MKI67: variants seen among roughly 807,000 people sequenced by gnomAD.
MKI67 encodes the protein proliferation marker protein Ki-67.
Under a neutral mutation model 233.5 loss-of-function variants are expected in MKI67, and 152 were observed. The ratio of observed to expected loss-of-function variants is 0.65; its 90% CI spans 0.57 to 0.74. The LOEUF (loss-of-function observed/expected upper bound fraction) is 0.74, where lower values mean the gene tolerates loss of function less well. Ranked by LOEUF, MKI67 falls within the 30% of genes least tolerant of loss-of-function variation. MKI67 has a pLI of 0.00. For synonymous variants in MKI67, 1,465 were observed against 1,418.5 expected (o/e 1.03, Z -0.74); for missense variants, 3,940 against 3,885.2 (o/e 1.01, Z -0.37).
At chr10:128,122,390 A>C (rs1369819360) in intron 4 of MKI67, among the ~76,000 whole-genome samples, 1 of 152,182 alleles carries the variant, frequency 6.6e-6, no homozygotes, top group Non-Finnish European at 1.5e-5. Flanking sequence ...TTGCCTTTTT[A>C]AATGCCCTCT....
chr10:128,108,661 C>T lies in MKI67; in HGVS notation c.3179G>A (p.Gly1060Glu), dbSNP rs1227668323. The change falls in exon 13 of 15, where the codon GGA becomes GAA. Residue 1060 changes from glycine to glutamate, a missense_variant. Transcript: ENST00000368654. ...AAACGTTCTGATGCTCTTGCCATCTCCTGCTGGCTCTCTGTGCGTGTGCGT... is the reference window on the plus strand; with the variant it reads ...AAACGTTCTGATGCTCTTGCCATCTTCTGCTGGCTCTCTGTGCGTGTGCGT... Reference protein sequence around the residue: ...ETTHTHREPAGDGKSIRTFKE... With the variant: ...ETTHTHREPAEDGKSIRTFKE... The T allele has an allele frequency of 3.1e-6, 5 of 1,614,060 alleles. No homozygotes were observed. In the Admixed American group the frequency reaches 6.7e-5, roughly 22 times the overall value.
Position 128,115,408 on chromosome 10 carries a change from C to T in MKI67, c.1000G>A (p.Gly334Ser), listed in dbSNP as rs769187625. ...ESVQTPSKAV[G>S]ASFPLYEPAK... ...GGCTCATAGAGAGGAAAGCTGGCGC[C>T]CACAGCCTTGCTGGGAGTCTGAACA... is the stretch of plus-strand genomic sequence containing the variant. The change falls in exon 7 of 15, where the codon GGC becomes AGC. Residue 334 changes from glycine (G) to serine (S), a missense_variant. Gly to Ser is a moderately conservative substitution (Grantham distance 56). Transcript: ENST00000368654. 9.3e-6 allele frequency: 15 copies of T among 1,614,158 alleles called. No homozygotes were observed. The highest frequency in any genetic ancestry group is 8.8e-5 in the South Asian group (8 of 91,076).
Position 128,112,050 on chromosome 10 carries a change from C to A in MKI67, c.1970-5G>T, listed in dbSNP as rs1852690785. Reference sequence around the variant, plus strand: ...CATCTGCCCATGATTTTGCAACTGTCAAAGGGAAAAGACGAAACTTTTCAA... The same window carrying A: ...CATCTGCCCATGATTTTGCAACTGTAAAAGGGAAAAGACGAAACTTTTCAA... On this transcript the variant is annotated splice_region_variant and splice_polypyrimidine_tract_variant and intron_variant, in intron 9 of 14. Transcript: ENST00000368654. 2 of 1,609,240 alleles carry A rather than the reference C, an allele frequency of 1.2e-6. No homozygotes were observed. Among genetic ancestry groups the A allele is most frequent in the East Asian group, 4.5e-5 (2 of 44,866 alleles).
chr10:128,103,216 G>T lies in MKI67; in HGVS notation c.8624C>A (p.Pro2875Gln), dbSNP rs369383878. The change falls in exon 13 of 15, where the codon CCG (proline) becomes CAG (glutamine). Residue 2875 changes from proline (P) to glutamine (Q), a missense_variant. Transcript: ENST00000368654. ...SGETTHTDKE[P>Q]VGEGKGTKAF... ...TTTCGTGCCTTTGCCCTCACCTACC[G>T]GCTCTTTGTCGGTGTGCGTGGTCTC... The T allele has an allele frequency of 6.2e-7, 1 of 1,613,958 alleles. No homozygotes were observed.
intron 2 of MKI67, among the ~76,000 whole-genome samples, chr10:128,124,928 G>T (rs1278938467): frequency 1.0e-5 from 1 of 99,338 alleles, no homozygotes; most frequent in Non-Finnish European, 2.3e-5. Flanking sequence ...GGCCGGGATG[G>T]GGTTGGGAGG....
In MKI67 at chr10:128,104,739, T is replaced by C. The variant is rs144403600; in HGVS notation, c.7101A>G (p.Ala2367=). 4.3e-6 allele frequency: 7 copies of C among 1,613,968 alleles called. No homozygotes were observed. In the East Asian group the frequency reaches 1.6e-4, roughly 36 times the overall value. ...GTGCTAAAAATTCTTCCTCTACGTC[T>C]GCTTTCCTGAGGTTTCTCTTGGGCC... ...KQRPKRNLRK[A]DVEEEFLALR... Residue 2367 remains alanine (A), a synonymous_variant, in exon 13 of 15, where the codon GCA becomes GCG. Coordinates refer to ENST00000368654, the MANE Select transcript of MKI67 (RefSeq NM_002417.5).
In MKI67 at chr10:128,107,406, T is replaced by A. The variant is rs1395517790; in HGVS notation, c.4434A>T (p.Val1478=). Residue 1478 remains valine (V), a synonymous_variant, in exon 13 of 15, where the codon GTA becomes GTT. Transcript: ENST00000368654. ...AGLKELFQTP[V]CTDKPTTHEK... ...CGTGAGTCGTGGGCTTGTCAGTGCA[T>A]ACTGGTGTCTGGAAGAGCTCTTTCA... 6.2e-7 allele frequency: 1 copy of A among 1,612,476 alleles called. No homozygotes were observed. Among genetic ancestry groups the A allele is most frequent in the Admixed American group, 1.7e-5 (1 of 59,898 alleles).
Position 128,102,614 on chromosome 10 carries a change from CCT to C in MKI67, c.9224_9225del (p.Glu3075GlyfsTer10). On this transcript the variant is annotated frameshift_variant, in exon 13 of 15. Coordinates refer to ENST00000368654, the MANE Select transcript of MKI67 (RefSeq NM_002417.5). LOFTEE classifies it high-confidence loss of function. Reference sequence around the variant, plus strand: ...GGGACCGAGTCTTGTAATTTGTGTTCCTCTTTGTTGGTTTTCATGTCGTTGCT... The same window carrying C: ...GGGACCGAGTCTTGTAATTTGTGTTCCTTTGTTGGTTTTCATGTCGTTGCT... ...LNSNDMKTNK[E>X]EHKLQDSVPE... 2 of 1,614,106 alleles carry C rather than the reference CCT, an allele frequency of 1.2e-6. No homozygotes were observed. Among genetic ancestry groups the C allele is most frequent in the Non-Finnish European group, 1.7e-6 (2 of 1,179,964 alleles).
Position 128,107,643 on chromosome 10 carries a change from G to A in MKI67, c.4197C>T (p.Asp1399=), listed in dbSNP as rs375899356. The A allele has an allele frequency of 4.3e-5, 70 of 1,613,974 alleles. No homozygotes were observed. In the African/African-American group the frequency reaches 5.5e-4, roughly 13 times the overall value. ...TCAGGGCTGAGAGCTCCTTCTGTAC[G>A]TCCCTTTTCTCCAAAGGTGTCTTGG... is the stretch of plus-strand genomic sequence containing the variant. ...RQPKTPLEKR[D]VQKELSALKK... is the part of the protein sequence containing the mutation. The change falls in exon 13 of 15, where the codon GAC becomes GAT. Residue 1399 remains aspartate, a synonymous_variant. Transcript: ENST00000368654.
Position 128,111,789 on chromosome 10 carries a change from A to G in MKI67, c.2116T>C (p.Phe706Leu), listed in dbSNP as rs1182250834. Residue 706 changes from phenylalanine to leucine, a missense_variant, in exon 11 of 15, where the codon TTT becomes CTT. Phe to Leu is a conservative substitution (Grantham distance 22). Coordinates refer to ENST00000368654, the MANE Select transcript of MKI67 (RefSeq NM_002417.5). The part of the protein sequence containing the change: ...KKPVGEVHSQ[F>L]STGHANSPCT... ...GGAGAGTTTGCGTGGCCTGTACTAAATTGACTGTGAACTTCGCCCACAGGC... is the reference window on the plus strand; with the variant it reads ...GGAGAGTTTGCGTGGCCTGTACTAAGTTGACTGTGAACTTCGCCCACAGGC... 5 of 1,613,094 alleles carry G rather than the reference A, an allele frequency of 3.1e-6. No homozygotes were observed. Among genetic ancestry groups the G allele is most frequent in the Non-Finnish European group, 4.2e-6 (5 of 1,179,842 alleles).
Position 128,104,262 on chromosome 10 carries a change from C to T in MKI67, c.7578G>A (p.Lys2526=), listed in dbSNP as rs200620336. 324 of 1,613,996 alleles carry T rather than the reference C, an allele frequency of 2.0e-4. No individual in the cohort carries two copies. Among genetic ancestry groups the T allele is most frequent in the Non-Finnish European group, 2.6e-4 (306 of 1,180,046 alleles). The stretch of plus-strand genomic sequence containing the variant: ...GGTCCAGGATCTGCTTTGGAGACTC[C>T]TTAAACGCTTTGATGCTCTTACTAT... The part of the protein sequence containing the change: ...TGDSKSIKAF[K]ESPKQILDPA... Residue 2526 remains lysine, a synonymous_variant, in exon 13 of 15, where the codon AAG becomes AAA. Coordinates refer to ENST00000368654, the MANE Select transcript of MKI67 (RefSeq NM_002417.5).
Position 128,102,734 on chromosome 10 carries a change from T to C in MKI67, c.9106A>G (p.Arg3036Gly), listed in dbSNP as rs750816735. The C allele has an allele frequency of 1.2e-5, 20 of 1,614,244 alleles. No individual in the cohort carries two copies. Among genetic ancestry groups the C allele is most frequent in the Middle Eastern group, 1.6e-4 (1 of 6,062 alleles). Residue 3036 changes from arginine to glycine, a missense_variant, in exon 13 of 15, where the codon AGG becomes GGG. By Grantham distance (125) the Arg-to-Gly change is moderately radical. Coordinates refer to ENST00000368654, the MANE Select transcript of MKI67 (RefSeq NM_002417.5). ...GGTTCGGATGATTTGCCTCTTGCCC[T>C]GGGAGCAACCCTCTGCTTCTTGCTG... ...PASKKQRVAP[R>G]ARGKSSEPVV...
At chr10:128,116,055 A>C in intron 6 of MKI67, 48 bp from the exon 7 acceptor site, 2 of 1,512,940 alleles carry the variant, frequency 1.3e-6, no homozygotes, top group Non-Finnish European at 1.8e-6. Flanking sequence ...GCATTTTCTC[A>C]ATGATTAACA....
Position 128,125,610 on chromosome 10 carries a change from A to G in MKI67, c.58T>C (p.Phe20Leu). 3 of 1,613,560 alleles carry G rather than the reference A, an allele frequency of 1.9e-6. No individual in the cohort carries two copies. The highest frequency in any genetic ancestry group is 2.5e-6 in the Non-Finnish European group (3 of 1,179,826). Reference sequence around the variant, plus strand: ...AAGCAGGTGCTGAGGCTCAGGGGAAAGTGGGGACCGTCGACCCCGCTCCTT... The same window carrying G: ...AAGCAGGTGCTGAGGCTCAGGGGAAGGTGGGGACCGTCGACCCCGCTCCTT... ...IKRSGVDGPH[F>L]PLSLSTCLFG... is the part of the protein sequence containing the mutation. Residue 20 changes from phenylalanine (F) to leucine (L), a missense_variant, in exon 2 of 15, where the codon TTT becomes CTT. Transcript: ENST00000368654. This position sits in a 1 kb window ranked among gnomAD's most constrained non-coding sequence, Gnocchi z 5.3.
chr10:128,103,855 C>T lies in MKI67; in HGVS notation c.7985G>A (p.Ser2662Asn). Reference protein sequence around the residue: ...KKPNPVEEEPSRRRPRAPKEK... With the variant: ...KKPNPVEEEPNRRRPRAPKEK... Reference sequence around the variant, plus strand: ...CTTAGGTGCTCTTGGCCTTCTCCTGCTGGGTTCCTCTTCTACTGGGTTTGG... The same window carrying T: ...CTTAGGTGCTCTTGGCCTTCTCCTGTTGGGTTCCTCTTCTACTGGGTTTGG... The change falls in exon 13 of 15, where the codon AGC becomes AAC. Residue 2662 changes from serine to asparagine, a missense_variant. Ser to Asn is a conservative substitution (Grantham distance 46). Coordinates refer to ENST00000368654, the MANE Select transcript of MKI67 (RefSeq NM_002417.5). 2.5e-6 allele frequency: 4 copies of T among 1,614,116 alleles called. No homozygotes were observed. The highest frequency in any genetic ancestry group is 1.7e-5 in the Admixed American group (1 of 60,010).
chr10:128,101,781 C>G, intron 13 of MKI67, 80 bp from the exon 14 acceptor site: 3 of 1,074,832 alleles, frequency 2.8e-6, no homozygotes, highest in Non-Finnish European at 4.0e-6. Flanking sequence ...GCACAATCAA[C>G]AGTAACCTAA....
At chr10:128,118,949 C>T (rs763508562) in intron 5 of MKI67, among the ~76,000 whole-genome samples, 4 of 152,180 alleles carry the variant, frequency 2.6e-5, no homozygotes, top group Non-Finnish European at 5.9e-5. Flanking sequence ...AATGTTAGCT[C>T]TACGTGTTGG....
Position 128,115,668 on chromosome 10 carries a change from T to G in MKI67, c.740A>C (p.Glu247Ala). The G allele has an allele frequency of 6.2e-7, 1 of 1,613,758 alleles. No homozygotes were observed. The highest frequency in any genetic ancestry group is 8.5e-7 in the Non-Finnish European group (1 of 1,179,988). Residue 247 changes from glutamate (E) to alanine (A), a missense_variant, in exon 7 of 15, where the codon GAG (glutamate) becomes GCG (alanine). Coordinates refer to ENST00000368654, the MANE Select transcript of MKI67 (RefSeq NM_002417.5). ...TTCTTTTTGTGATTTTACATCCAACTCTTTCTTCACTGACTCATAAAGCTT... is the reference window on the plus strand; with the variant it reads ...TTCTTTTTGTGATTTTACATCCAACGCTTTCTTCACTGACTCATAAAGCTT... ...FWKLYESVKK[E>A]LDVKSQKENV... is the part of the protein sequence containing the mutation.
chr10:128,113,541 A>G lies in MKI67; in HGVS notation c.1542T>C (p.Pro514=). 1 of 1,614,206 alleles carries G rather than the reference A, an allele frequency of 6.2e-7. No homozygotes were observed. Among genetic ancestry groups the G allele is most frequent in the Non-Finnish European group, 8.5e-7 (1 of 1,180,030 alleles). The stretch of plus-strand genomic sequence containing the variant: ...GAGGCAAGTTTTCATCAAATAGTTC[A>G]GGTCTTAGGTGCCCACCAAAGGACA... The part of the protein sequence containing the change: ...RRVSFGGHLR[P]ELFDENLPPN... Residue 514 remains proline, a synonymous_variant, in exon 8 of 15, where the codon CCT becomes CCC. Coordinates refer to ENST00000368654, the MANE Select transcript of MKI67 (RefSeq NM_002417.5).
Sources: allele counts gnomAD v4.1 joint callset (sites outside exome capture counted in the v4.1 genomes callset), GRCh38; gene constraint gnomAD v4.1.1; non-coding constraint Gnocchi (gnomAD v3.1); transcripts MANE v1.5; gene names NCBI Gene and HGNC (gene_info 2026-07-23, HGNC 2026-07-21).